Variants in TMEM238 observed in about 807,000 individuals in gnomAD.
TMEM238 encodes the protein transmembrane protein 238.
For synonymous variants in TMEM238, 103 were observed against 111.5 expected, an observed-to-expected ratio of 0.92 and a Z score of 0.48; for missense variants, 169 against 206.8, an observed-to-expected ratio of 0.82 and a Z score of 1.12.
At chr19:55,381,563 C>T (rs2089887139) in intron 1 of TMEM238, among the ~76,000 whole-genome samples, 1 of 152,070 alleles carries the variant, frequency 6.6e-6, no homozygotes, top group Non-Finnish European at 1.5e-5. Flanking sequence ...ATGCATTCAT[C>T]CACTCATCTG....
intron 1 of TMEM238, among the ~76,000 whole-genome samples, chr19:55,381,986 T>A (rs1276937422): frequency 6.6e-6 from 1 of 151,872 alleles, no homozygotes; most frequent in Non-Finnish European, 1.5e-5. Context: ...TCCAACCACA[T>A]CCCTGCATCA....
In TMEM238 at chr19:55,383,950, C is replaced by T; in HGVS notation, c.310G>A (p.Asp104Asn). 1 of 1,359,152 alleles carries T rather than the reference C, an allele frequency of 7.4e-7. No homozygotes were observed. The highest frequency in any genetic ancestry group is 9.6e-7 in the Non-Finnish European group (1 of 1,042,870). 84.2% of individuals were successfully genotyped at this position (1,359,152 alleles called of 1,614,324 possible). The part of the protein sequence containing the change: ...IEISRQELER[D>N]YGLRPSALAR... The stretch of plus-strand genomic sequence containing the variant: ...AGCGCCGAGGGCCGCAGGCCGTAGT[C>T]GCGCTCCAGCTCCTGGCGCGAGATC... Residue 104 changes from aspartate (D) to asparagine (N), a missense_variant, in exon 1 of 2, where the codon GAC (aspartate) becomes AAC (asparagine). Asp to Asn is a conservative substitution (Grantham distance 23, BLOSUM62 1). Transcript: ENST00000444469. This position sits in a 1 kb window ranked among gnomAD's most constrained non-coding sequence, Gnocchi z 4.9.
chr19:55,384,267 C>T lies in TMEM238; in HGVS notation c.-8G>A, dbSNP rs1262869599. 6 of 1,081,498 alleles carry T rather than the reference C, an allele frequency of 5.5e-6. No individual in the cohort carries two copies. The highest frequency in any genetic ancestry group is 6.7e-6 in the Non-Finnish European group (6 of 893,332). The allele number at this position is 1,081,498 out of a possible 1,614,324, so 67.0% of individuals were successfully genotyped here. On this transcript the variant is annotated 5_prime_UTR_variant, in exon 1 of 2. Coordinates refer to ENST00000444469, the MANE Select transcript of TMEM238 (RefSeq NM_001190764.2). This position sits in a 1 kb window ranked among gnomAD's most constrained non-coding sequence, Gnocchi z 5.6. ...CGCTGGCGCCGCCGCCATGGCCCTG[C>T]ACCGCCGCCGCTGGCGCCCAGAGAG... is the stretch of plus-strand genomic sequence containing the variant.
chr19:55,380,252 G>T (rs562557440), intron 1 of TMEM238, among the ~76,000 whole-genome samples: 1 of 147,384 alleles, frequency 6.8e-6, no homozygotes, highest in Admixed American at 6.7e-5. Flanking sequence ...TTTAAGCTAC[G>T]TAAAGGATTC....
Position 55,384,137 on chromosome 19 carries a change from G to A in TMEM238, c.123C>T (p.Ala41=), listed in dbSNP as rs2089898871. The A allele has an allele frequency of 7.0e-7, 1 of 1,431,932 alleles. No individual in the cohort carries two copies. Among genetic ancestry groups the A allele is most frequent in the African/African-American group, 1.5e-5 (1 of 67,366 alleles). 88.7% of individuals were successfully genotyped at this position (1,431,932 alleles called of 1,614,324 possible). The part of the protein sequence containing the change: ...LGRCRMALLL[A]VALDVAGMAA... The stretch of plus-strand genomic sequence containing the variant: ...CCATGCCCGCCACATCCAGCGCCAC[G>A]GCCAGCAGCAGCGCCATCCGGCAGC... The change falls in exon 1 of 2, where the codon GCC becomes GCT. Residue 41 remains alanine, a synonymous_variant. Transcript: ENST00000444469. The surrounding 1 kb of genome is among the most constrained non-coding windows in gnomAD (Gnocchi z 5.6).
In TMEM238 at chr19:55,384,101, C is replaced by G. The variant is rs754143591; in HGVS notation, c.159G>C (p.Leu53=). The change falls in exon 1 of 2, where the codon CTG becomes CTC. Residue 53 remains leucine, a synonymous_variant. Transcript: ENST00000444469. This position sits in a 1 kb window ranked among gnomAD's most constrained non-coding sequence, Gnocchi z 5.6. ...CCTGCAGCTGCGCGAACACGCCGGT[C>G]AGCAGCGCCGCCATGCCCGCCACAT... ...ALDVAGMAAL[L]TGVFAQLQVR... 12 of 1,461,452 alleles carry G rather than the reference C, an allele frequency of 8.2e-6. No homozygotes were observed. The South Asian group carries it at 1.5e-4, about 18-fold the overall frequency. 90.5% of individuals were successfully genotyped at this position (1,461,452 alleles called of 1,614,324 possible).
rs755093459 is a variant in TMEM238 at position 55,384,117 on chromosome 19, C to T, written c.143G>A (p.Gly48Asp). ...LLLAVALDVA[G>D]MAALLTGVFA... ...CACGCCGGTCAGCAGCGCCGCCATG[C>T]CCGCCACATCCAGCGCCACGGCCAG... Residue 48 changes from glycine to aspartate, a missense_variant, in exon 1 of 2, where the codon GGC (glycine) becomes GAC (aspartate). By Grantham distance (94) the Gly-to-Asp change is moderately conservative (BLOSUM62 -1). Coordinates refer to ENST00000444469, the MANE Select transcript of TMEM238 (RefSeq NM_001190764.2). This position sits in a 1 kb window ranked among gnomAD's most constrained non-coding sequence, Gnocchi z 5.6. 6.9e-7 allele frequency: 1 copy of T among 1,447,834 alleles called. No individual in the cohort carries two copies. Among genetic ancestry groups the T allele is most frequent in the South Asian group, 1.3e-5 (1 of 79,184 alleles). 89.7% of individuals were successfully genotyped at this position (1,447,834 alleles called of 1,614,324 possible). A position where few individuals can be genotyped will look rare whatever the true frequency, so the allele number is the denominator to read the frequency against.
At position 55,383,101 on chromosome 19, in the gene TMEM238, C is replaced by T. The variant is rs1056929721; in HGVS notation, c.*7+621G>A. ...AGGATTAAATGGGGCCTGGTCTGGG[C>T]TCAGTGGCTCACGCCTGTAATCCCA... On this transcript the variant is annotated intron_variant, in intron 1 of 1. Transcript: ENST00000444469. This position sits in a 1 kb window ranked among gnomAD's most constrained non-coding sequence, Gnocchi z 4.9. 5.9e-5 allele frequency among the ~76,000 whole-genome samples: 9 copies of T among 151,928 alleles called. No homozygotes were observed. Among genetic ancestry groups the T allele is most frequent in the African/African-American group, 1.9e-4 (8 of 41,410 alleles).
intron 1 of TMEM238, among the ~76,000 whole-genome samples, chr19:55,382,755 T>C (rs1600295650): frequency 6.6e-6 from 1 of 151,878 alleles, no homozygotes; most frequent in African/African-American, 2.4e-5. Flanking sequence ...GCTGGAAAGG[T>C]GTGTTTAGGA....
chr19:55,382,143 GCACCCATCGATCTACCCATCCACCCACC>G (rs1402228268), intron 1 of TMEM238, among the ~76,000 whole-genome samples: 2 of 139,114 alleles, frequency 1.4e-5, no homozygotes, highest in East Asian at 4.2e-4. Flanking sequence ...ATCCATCCAC[GCACCCATCGATCTACCCATCCACCCACC>G]CACCCATCTA....
Position 55,384,088 on chromosome 19 carries a change from C to G in TMEM238, c.172G>C (p.Ala58Pro). The G allele has an allele frequency of 1.4e-6, 2 of 1,470,316 alleles. No individual in the cohort carries two copies. The highest frequency in any genetic ancestry group is 1.8e-6 in the Non-Finnish European group (2 of 1,107,688). The allele number at this position is 1,470,316 out of a possible 1,614,324, so 91.1% of individuals were successfully genotyped here. A position where few individuals can be genotyped will look rare whatever the true frequency, so the allele number is the denominator to read the frequency against. The change falls in exon 1 of 2, where the codon GCG becomes CCG. Residue 58 changes from alanine to proline, a missense_variant. By Grantham distance (27) the Ala-to-Pro change is conservative. Coordinates refer to ENST00000444469, the MANE Select transcript of TMEM238 (RefSeq NM_001190764.2). This position sits in a 1 kb window ranked among gnomAD's most constrained non-coding sequence, Gnocchi z 5.6. ...TCGCGGCCGCGCACCTGCAGCTGCG[C>G]GAACACGCCGGTCAGCAGCGCCGCC... is the stretch of plus-strand genomic sequence containing the variant. ...GMAALLTGVF[A>P]QLQVRGRDFG...
rs77136185 is a variant in TMEM238 at position 55,383,578 on chromosome 19, C to G, written c.*7+144G>C. 2,790 of 159,830 alleles carry G rather than the reference C, an allele frequency of 0.017. 51 individuals are homozygous for G. The highest frequency in any genetic ancestry group is 0.051 in the African/African-American group (2,144 of 41,668). 9.9% of individuals were successfully genotyped at this position (159,830 alleles called of 1,614,324 possible). Reference sequence around the variant, plus strand: ...CTGCGGTTCTCCGCCAGAGCCTTCCCGTCCCTGTCTCCACCCCGCCCTGGG... The same window carrying G: ...CTGCGGTTCTCCGCCAGAGCCTTCCGGTCCCTGTCTCCACCCCGCCCTGGG... On this transcript the variant is annotated intron_variant, in intron 1 of 1. Transcript: ENST00000444469. The surrounding 1 kb of genome is among the most constrained non-coding windows in gnomAD (Gnocchi z 4.9).
chr19:55,381,873 T>C (rs1176649873), intron 1 of TMEM238, among the ~76,000 whole-genome samples: 4 of 152,144 alleles, frequency 2.6e-5, no homozygotes, highest in African/African-American at 9.7e-5. Flanking sequence ...CTCTTGCCCC[T>C]TTATCAGGCA....
intron 1 of TMEM238, among the ~76,000 whole-genome samples, chr19:55,382,851 C>T (rs1004398989): frequency 1.3e-5 from 2 of 152,120 alleles, no homozygotes; most frequent in Admixed American, 6.5e-5. Flanking sequence ...TCCTCCTTTT[C>T]TAGGCCTACA....
At chr19:55,382,311 A>C (rs574014443) in intron 1 of TMEM238, among the ~76,000 whole-genome samples, 1 of 152,238 alleles carries the variant, frequency 6.6e-6, no homozygotes, top group East Asian at 1.9e-4. Flanking sequence ...CCCAACCATC[A>C]ACCTTTCCTG....
intron 1 of TMEM238, among the ~76,000 whole-genome samples, chr19:55,381,569 A>G (rs1476082618): frequency 6.6e-6 from 1 of 152,162 alleles, no homozygotes; most frequent in African/African-American, 2.4e-5. Context: ...TCATCCACTC[A>G]TCTGTGTACT....
Position 55,384,238 on chromosome 19 carries a change from A to C in TMEM238, c.22T>G (p.Cys8Gly). 1 of 1,118,124 alleles carries C rather than the reference A, an allele frequency of 8.9e-7. No individual in the cohort carries two copies. Among genetic ancestry groups the C allele is most frequent in the Non-Finnish European group, 1.1e-6 (1 of 918,226 alleles). 69.3% of individuals were successfully genotyped at this position (1,118,124 alleles called of 1,614,324 possible). The change falls in exon 1 of 2, where the codon TGC becomes GGC. Residue 8 changes from cysteine (C) to glycine (G), a missense_variant. Transcript: ENST00000444469. This position sits in a 1 kb window ranked among gnomAD's most constrained non-coding sequence, Gnocchi z 5.6. ...CCCGGCGGGCTCCCCTGCGAGGCGC[A>C]CACCGCTGGCGCCGCCGCCATGGCC... Reference protein sequence around the residue: MAAAPAVCASQGSPPGAP... With the variant: MAAAPAVGASQGSPPGAP...
At position 55,383,377 on chromosome 19, in the gene TMEM238, A is replaced by G. The variant is rs1364746423; in HGVS notation, c.*7+345T>C. Among the ~76,000 whole-genome samples, 2 of 152,054 alleles carry G rather than the reference A, an allele frequency of 1.3e-5. No individual in the cohort carries two copies. Among genetic ancestry groups the G allele is most frequent in the Non-Finnish European group, 2.9e-5 (2 of 67,970 alleles). On this transcript the variant is annotated intron_variant, in intron 1 of 1. Transcript: ENST00000444469. The surrounding 1 kb of genome is among the most constrained non-coding windows in gnomAD (Gnocchi z 4.9). ...GGTGACAGTGAGAGATCCTGTCTCA[A>G]AACAACCCCAAACGACAACAAAACA...
chr19:55,379,624 G>A (rs1266570336), intron 1 of TMEM238, among the ~76,000 whole-genome samples: 5 of 152,152 alleles, frequency 3.3e-5, no homozygotes, highest in South Asian at 2.1e-4. Flanking sequence ...AGGGGGAGAC[G>A]AAGACATGCA....
Sources: allele counts gnomAD v4.1 joint callset (sites outside exome capture counted in the v4.1 genomes callset), GRCh38; gene constraint gnomAD v4.1.1; non-coding constraint Gnocchi (gnomAD v3.1); transcripts MANE v1.5; gene names NCBI Gene and HGNC (gene_info 2026-07-23, HGNC 2026-07-21).